Variants in ADAM17 observed in about 807,000 individuals in gnomAD.
The protein encoded by ADAM17 is ADAM metallopeptidase domain 17.
Under a neutral mutation model 96.7 loss-of-function variants are expected in ADAM17, and 39 were observed. The ratio of observed to expected loss-of-function variants is 0.40; its 90% CI spans 0.31 to 0.53. ADAM17 has a LOEUF of 0.53. ADAM17 is among the 20% of genes least tolerant of loss of function. ADAM17 has a pLI of 0.44. For missense variants in ADAM17, 777 were observed against 1,013.2 expected, an observed-to-expected ratio of 0.77 and a Z score of 3.17; for synonymous variants, 344 against 359.2, an observed-to-expected ratio of 0.96 and a Z score of 0.48.
rs911907608 is a variant in ADAM17 at position 9,489,316 on chromosome 2, A to C, written c.*861T>G. On this transcript the variant is annotated 3_prime_UTR_variant, in exon 19 of 19. Coordinates refer to ENST00000310823, the MANE Select transcript of ADAM17 (RefSeq NM_003183.6). ...AGTCTCACTCTGTCACCCAGGCTGG[A>C]GTGTAGTGGCGCAACCTCAGCCTCT... The C allele has an allele frequency of 7.9e-6, 1 of 125,796 alleles. No homozygotes were observed. Among genetic ancestry groups the C allele is most frequent in the Non-Finnish European group, 1.5e-5 (1 of 64,594 alleles). The allele number at this position is 125,796 out of a possible 1,614,324, so 7.8% of individuals were successfully genotyped here.
intron 11 of ADAM17, among the ~76,000 whole-genome samples, chr2:9,507,437 G>A (rs538807635): frequency 5.9e-5 from 9 of 152,236 alleles, no homozygotes; most frequent in African/African-American, 2.2e-4. Flanking sequence ...GGGAGGTGGA[G>A]GTTGCAGTGA....
chr2:9,533,885 C>G (rs1664850367), intron 4 of ADAM17, among the ~76,000 whole-genome samples: 2 of 152,164 alleles, frequency 1.3e-5, no homozygotes, highest in South Asian at 4.1e-4. Flanking sequence ...AAAAACTTTG[C>G]TTGTGTTAAG....
chr2:9,516,018 C>T (rs761141360), intron 10 of ADAM17, among the ~76,000 whole-genome samples: 3 of 152,130 alleles, frequency 2.0e-5, no homozygotes, highest in Non-Finnish European at 4.4e-5. Context: ...ATCCTCCCAC[C>T]TCAGCCTCCC....
At position 9,543,298 on chromosome 2, in the gene ADAM17, TA is replaced by T; in HGVS notation, c.98-14del. The T allele has an allele frequency of 3.2e-6, 5 of 1,574,116 alleles. No individual in the cohort carries two copies. Among genetic ancestry groups the T allele is most frequent in the African/African-American group, 2.7e-5 (2 of 72,844 alleles). ...GAATCAAGCTTCTCTGAAATAAAGG[TA>T]AAAAAGGTATTAGCATCTAAACCTA... On this transcript the variant is annotated splice_polypyrimidine_tract_variant and intron_variant, in intron 1 of 18. Coordinates refer to ENST00000310823, the MANE Select transcript of ADAM17 (RefSeq NM_003183.6).
rs368142778 is a variant in ADAM17, at chr2:9,540,228, C to T, written c.230+2925G>A. Among the ~76,000 whole-genome samples the T allele has an allele frequency of 2.0e-5, 3 of 152,276 alleles. No homozygotes were observed. The East Asian group carries it at 5.8e-4, about 29-fold the overall frequency. On this transcript the variant is annotated intron_variant, in intron 2 of 18. Transcript: ENST00000310823. ...TAGTTTCCTCACTCTTCCTTCGCTC[C>T]TACTTATTTCTTGCTACTATATCCA...
chr2:9,511,708 C>G (rs1164763518), intron 10 of ADAM17, among the ~76,000 whole-genome samples: 1 of 152,098 alleles, frequency 6.6e-6, no homozygotes, highest in Non-Finnish European at 1.5e-5. Flanking sequence ...CAGTGGCTCA[C>G]GCCTGGAATT....
At chr2:9,528,915 A>C (rs2125028296) in intron 4 of ADAM17, among the ~76,000 whole-genome samples, 1 of 152,358 alleles carries the variant, frequency 6.6e-6, no homozygotes, top group Middle Eastern at 3.4e-3. Context: ...TAAAAGTAGA[A>C]GTACCATATG....
At chr2:9,531,902 G>C (rs1355767522) in intron 4 of ADAM17, among the ~76,000 whole-genome samples, 1 of 152,148 alleles carries the variant, frequency 6.6e-6, no homozygotes, top group Non-Finnish European at 1.5e-5. Flanking sequence ...TTTGAGATCA[G>C]CCTGGGCAAC....
intron 14 of ADAM17, among the ~76,000 whole-genome samples, chr2:9,495,645 C>T (rs1326153137): frequency 1.1e-4 from 16 of 149,898 alleles, no homozygotes; most frequent in African/African-American, 2.0e-4. Context: ...ACCCGGGAGG[C>T]GGAGGCTGCG....
At chr2:9,539,040 C>A (rs1256309544) in intron 2 of ADAM17, among the ~76,000 whole-genome samples, 1 of 151,900 alleles carries the variant, frequency 6.6e-6, no homozygotes, top group Non-Finnish European at 1.5e-5. Context: ...ATTCAGGCAA[C>A]ATCAAAAAAG....
intron 10 of ADAM17, among the ~76,000 whole-genome samples, chr2:9,516,325 GTGA>G (rs1664053436): frequency 6.6e-6 from 1 of 152,162 alleles, no homozygotes; most frequent in Non-Finnish European, 1.5e-5. Flanking sequence ...CTGGGCTCAA[GTGA>G]TTCTCCTGCC....
intron 2 of ADAM17, among the ~76,000 whole-genome samples, chr2:9,538,573 T>TG (rs1247642177): frequency 6.6e-6 from 1 of 152,222 alleles, no homozygotes; most frequent in Non-Finnish European, 1.5e-5. Context: ...AAATGTCTTA[T>TG]TATTTTGTTT....
intron 11 of ADAM17, among the ~76,000 whole-genome samples, chr2:9,506,576 A>G (rs989439214): frequency 6.6e-6 from 1 of 151,986 alleles, no homozygotes; most frequent in African/African-American, 2.4e-5. Context: ...CATGTTGACC[A>G]GGATGGTCTC....
At chr2:9,535,616 T>C (rs965317177) in intron 4 of ADAM17, among the ~76,000 whole-genome samples, 1 of 152,224 alleles carries the variant, frequency 6.6e-6, no homozygotes, top group Non-Finnish European at 1.5e-5. Flanking sequence ...CCATCCCACA[T>C]GTAACTCTCT....
chr2:9,517,753 T>G (rs533191221), intron 10 of ADAM17, 148 bp downstream of exon 10: 45 of 530,154 alleles, frequency 8.5e-5, no homozygotes, highest in Admixed American at 6.6e-4. Flanking sequence ...TTTTCATATA[T>G]CCCACAAAAA....
In ADAM17 at chr2:9,528,694, T is replaced by C. The variant is rs1193874435; in HGVS notation, c.451-740A>G. ...AGTTTGTGGGGGGACACACAAAAAA[T>C]ATATTTATCTCCATCAGGGAAATGC... is the stretch of plus-strand genomic sequence containing the variant. On this transcript the variant is annotated intron_variant, in intron 4 of 18. Transcript: ENST00000310823. Among the ~76,000 whole-genome samples, 5 of 152,138 alleles carry C rather than the reference T, an allele frequency of 3.3e-5. No homozygotes were observed. In the East Asian group the frequency reaches 9.6e-4, roughly 29 times the overall value.
chr2:9,533,327 T>C (rs1366845355), intron 4 of ADAM17, among the ~76,000 whole-genome samples: 2 of 152,074 alleles, frequency 1.3e-5, no homozygotes, highest in Non-Finnish European at 2.9e-5. Flanking sequence ...GGCTGGCAGA[T>C]CATGAGGTCA....
chr2:9,513,547 GA>G (rs930252153), intron 10 of ADAM17, among the ~76,000 whole-genome samples: 1 of 152,000 alleles, frequency 6.6e-6, no homozygotes, highest in African/African-American at 2.4e-5. Context: ...GAGAGTGTTT[GA>G]ATTGAATTGG....
At chr2:9,492,149 G>A (rs754117327) in intron 17 of ADAM17, among the ~76,000 whole-genome samples, 4 of 152,146 alleles carry the variant, frequency 2.6e-5, no homozygotes, top group Non-Finnish European at 5.9e-5. Flanking sequence ...GAGTTGTGCT[G>A]GAATTTTTAA....
Sources: gnomAD v4.1 joint callset for allele counts (sites outside exome capture counted in the v4.1 genomes callset) on GRCh38, gnomAD v4.1.1 for gene constraint, MANE v1.5 for transcripts, NCBI Gene and HGNC (gene_info 2026-07-23, HGNC 2026-07-21) for gene names.